RBFOX1: variants seen among roughly 807,000 people sequenced by gnomAD.
RBFOX1 encodes RNA binding fox-1 homolog 1, also known as RNA binding protein fox-1 homolog 1.
A neutral mutation model predicts 57.7 loss-of-function variants in RBFOX1; 8 were observed. The observed-to-expected ratio is 0.14, with a 90% CI of 0.08 to 0.25. RBFOX1 has a LOEUF of 0.25. Ranked by LOEUF, RBFOX1 falls within the 10% of genes least tolerant of loss-of-function variation. The pLI, the probability that RBFOX1 is intolerant of heterozygous loss-of-function variation, is 1.00. For synonymous variants in RBFOX1, 326 were observed against 222.4 expected (o/e 1.47, Z -4.15); for missense variants, 611 against 548.5 (o/e 1.11, Z -1.14).
At chr16:5,427,680 A>G (rs1486898063) in intron 1 of RBFOX1, among the ~76,000 whole-genome samples, 1 of 152,172 alleles carries the variant, frequency 6.6e-6, no homozygotes, top group Non-Finnish European at 1.5e-5. Context: ...AGACAAGGTT[A>G]CGATTCAAGC....
chr16:5,835,573 C>T (rs956819042), intron 3 of RBFOX1, among the ~76,000 whole-genome samples: 3 of 152,176 alleles, frequency 2.0e-5, no homozygotes, highest in African/African-American at 7.2e-5. Context: ...GGGCAGGGCC[C>T]AGGAATCTGC....
At chr16:7,245,570 AT>A (rs1295700746) in intron 4 of RBFOX1, among the ~76,000 whole-genome samples, 1 of 152,220 alleles carries the variant, frequency 6.6e-6, no homozygotes, top group Non-Finnish European at 1.5e-5. Flanking sequence ...AATAAATAAA[AT>A]TTTAAATCTG....
chr16:7,551,238 C>T (rs754159082), intron 5 of RBFOX1, among the ~76,000 whole-genome samples: 5 of 152,038 alleles, frequency 3.3e-5, no homozygotes, highest in Non-Finnish European at 7.4e-5. Context: ...TTTTTCCATG[C>T]AACCAACCAC....
chr16:7,600,980 C>G (rs868140899), intron 9 of RBFOX1, among the ~76,000 whole-genome samples: 1 of 152,134 alleles, frequency 6.6e-6, no homozygotes, highest in East Asian at 1.9e-4. Context: ...GGACACCTAC[C>G]CACACGGAGG....
At chr16:7,037,481 C>T (rs1349744634) in intron 3 of RBFOX1, among the ~76,000 whole-genome samples, 1 of 152,050 alleles carries the variant, frequency 6.6e-6, no homozygotes, top group Non-Finnish European at 1.5e-5. Context: ...AATTGTGATG[C>T]TGTCTGCTAA....
At chr16:6,506,371 A>C (rs1425444548) in intron 2 of RBFOX1, among the ~76,000 whole-genome samples, 1 of 152,130 alleles carries the variant, frequency 6.6e-6, no homozygotes, top group Non-Finnish European at 1.5e-5. Context: ...TGCAGTATTG[A>C]AAACAGCTTG....
At chr16:5,384,297 T>TAGC (rs1470197694) in intron 1 of RBFOX1, among the ~76,000 whole-genome samples, 1 of 152,054 alleles carries the variant, frequency 6.6e-6, no homozygotes, top group South Asian at 2.1e-4. Context: ...GCAGCAGCAG[T>TAGC]AGCAGCAGCA....
chr16:6,033,603 T>C (rs936846322), intron 1 of RBFOX1, among the ~76,000 whole-genome samples: 34 of 152,242 alleles, frequency 2.2e-4, no homozygotes, highest in African/African-American at 8.0e-4. Flanking sequence ...TGTGTGTGTG[T>C]GCACACGCAC....
intron 2 of RBFOX1, among the ~76,000 whole-genome samples, chr16:6,564,371 C>G (rs1018129741): frequency 6.6e-6 from 1 of 152,090 alleles, no homozygotes; most frequent in Non-Finnish European, 1.5e-5. Context: ...TTCGTAAAAA[C>G]ATGGTGTGAA....
intron 3 of RBFOX1, among the ~76,000 whole-genome samples, chr16:6,765,603 A>T (rs2077214599): frequency 6.6e-6 from 1 of 152,194 alleles, no homozygotes; most frequent in Admixed American, 6.5e-5. Context: ...TTTTCAAAGA[A>T]GTAAAAGTAG....
intron 1 of RBFOX1, among the ~76,000 whole-genome samples, chr16:5,284,539 CT>C (rs67592139): frequency 0.041 from 5,464 of 134,170 alleles, 120 homozygotes; most frequent in African/African-American, 0.079. Flanking sequence ...AATATTTTTT[CT>C]TTTTTTTTTT....
At chr16:7,558,878 T>C (rs2089559825) in intron 5 of RBFOX1, among the ~76,000 whole-genome samples, 1 of 152,280 alleles carries the variant, frequency 6.6e-6, no homozygotes, top group Non-Finnish European at 1.5e-5. Flanking sequence ...CTGAAAAATG[T>C]AGATGGGATT....
At chr16:6,397,795 G>A (rs2092902804) in intron 2 of RBFOX1, among the ~76,000 whole-genome samples, 1 of 152,192 alleles carries the variant, frequency 6.6e-6, no homozygotes. Flanking sequence ...AAGTAGCACT[G>A]TATTAATGCT....
chr16:5,566,840 C>G (rs2046091240), intron 2 of RBFOX1, among the ~76,000 whole-genome samples: 1 of 152,082 alleles, frequency 6.6e-6, no homozygotes. Flanking sequence ...GACTCACTCC[C>G]TTGTTGTGTA....
At chr16:5,958,959 T>C (rs1223853982) in intron 4 of RBFOX1, among the ~76,000 whole-genome samples, 1 of 152,196 alleles carries the variant, frequency 6.6e-6, no homozygotes. Context: ...TCTGCAGAGT[T>C]CCTTTTGCCA....
chr16:6,908,729 A>G (rs1228150577), intron 3 of RBFOX1, among the ~76,000 whole-genome samples: 1 of 152,102 alleles, frequency 6.6e-6, no homozygotes, highest in South Asian at 2.1e-4. Context: ...CCTTGTCCTC[A>G]ATCCTTGTTC....
rs951309366 is a variant in RBFOX1, at chr16:6,569,300, C to T, written c.-63-85303C>T. The stretch of plus-strand genomic sequence containing the variant: ...CATTTCTTTTTGTTGAATGAGTTTT[C>T]ATCTCATTGCTGTAGAATAGGATCC... On this transcript the variant is annotated intron_variant, in intron 2 of 15. Transcript: ENST00000550418. Among the ~76,000 whole-genome samples, 4 of 152,280 alleles carry T rather than the reference C, an allele frequency of 2.6e-5. No homozygotes were observed. The South Asian group carries it at 6.2e-4, about 24-fold the overall frequency.
At chr16:5,843,143 A>G (rs551594426) in intron 3 of RBFOX1, among the ~76,000 whole-genome samples, 1 of 151,988 alleles carries the variant, frequency 6.6e-6, no homozygotes, top group Non-Finnish European at 1.5e-5. Context: ...TTTTATTTTT[A>G]TCTTTCATTA....
chr16:7,464,164 A>G (rs1599056996), intron 4 of RBFOX1, among the ~76,000 whole-genome samples: 1 of 152,146 alleles, frequency 6.6e-6, no homozygotes, highest in Non-Finnish European at 1.5e-5. Context: ...GGGTTACATT[A>G]TTCACCCATT....
Sources: gnomAD v4.1 joint callset for allele counts (sites outside exome capture counted in the v4.1 genomes callset) on GRCh38, gnomAD v4.1.1 for gene constraint, MANE v1.5 for transcripts, NCBI Gene and HGNC (gene_info 2026-07-23, HGNC 2026-07-21) for gene names.